CHD9: variants seen among roughly 807,000 people sequenced by gnomAD.
CHD9 encodes chromodomain helicase DNA binding protein 9.
A neutral mutation model predicts 316.1 loss-of-function variants in CHD9; 77 were observed. The ratio of observed to expected loss-of-function variants is 0.24; its 90% CI spans 0.20 to 0.29. The LOEUF is 0.29. CHD9 is among the 10% of genes least tolerant of loss of function. CHD9 has a pLI of 1.00. For missense variants in CHD9, 2,763 were observed against 3,438.1 expected, an observed-to-expected ratio of 0.80 and a Z score of 4.91; for synonymous variants, 1,129 against 1,158.3, an observed-to-expected ratio of 0.97 and a Z score of 0.51.
intron 1 of CHD9, among the ~76,000 whole-genome samples, chr16:53,069,776 T>C (rs1459464272): frequency 6.6e-6 from 1 of 152,228 alleles, no homozygotes; most frequent in African/African-American, 2.4e-5. Context: ...CTGGATCTTA[T>C]GGTAATTCTG....
chr16:53,129,818 AAGG>A (rs936931915), intron 1 of CHD9, among the ~76,000 whole-genome samples: 1 of 152,192 alleles, frequency 6.6e-6, no homozygotes, highest in South Asian at 2.1e-4. Context: ...AAGGACCTGA[AAGG>A]AGGAGACCCT....
chr16:53,149,924 G>A (rs8055410), intron 1 of CHD9, among the ~76,000 whole-genome samples: 42,216 of 150,950 alleles, frequency 0.28, 5,982 homozygotes, highest in Middle Eastern at 0.32. Context: ...GCTCTCTTTT[G>A]GTTACTATTT....
intron 1 of CHD9, 72 bp from the exon 2 acceptor site, chr16:53,155,854 C>T: frequency 2.1e-6 from 1 of 467,512 alleles, no homozygotes; most frequent in Non-Finnish European, 3.8e-6. Context: ...ATAATGTTTT[C>T]AGAGTTCATT....
intron 2 of CHD9, among the ~76,000 whole-genome samples, chr16:53,179,899 A>G (rs569403433): frequency 0.017 from 2,580 of 151,726 alleles, 78 homozygotes; most frequent in African/African-American, 0.059. Context: ...TTCATCTCAA[A>G]AAAAAAAAAA....
chr16:53,075,822 T>C (rs2034476961), intron 1 of CHD9, among the ~76,000 whole-genome samples: 1 of 152,228 alleles, frequency 6.6e-6, no homozygotes, highest in Non-Finnish European at 1.5e-5. Flanking sequence ...ATTTTTAATC[T>C]TTTGAGGACC....
intron 1 of CHD9, among the ~76,000 whole-genome samples, chr16:53,087,424 TC>T (rs2035555572): frequency 6.6e-6 from 1 of 152,166 alleles, no homozygotes; most frequent in Admixed American, 6.5e-5. Context: ...AATATGAGAC[TC>T]GGGTCTATTC....
At chr16:53,302,616 C>T (rs926471759) in intron 30 of CHD9, among the ~76,000 whole-genome samples, 5 of 152,158 alleles carry the variant, frequency 3.3e-5, no homozygotes, top group African/African-American at 9.7e-5. Flanking sequence ...CTGCCAGATA[C>T]TAAATCTTGT....
intron 31 of CHD9, among the ~76,000 whole-genome samples, 160 bp downstream of exon 31, chr16:53,304,785 C>G (rs1405550709): frequency 1.3e-5 from 2 of 149,084 alleles, no homozygotes; most frequent in South Asian, 2.1e-4. Flanking sequence ...ACCTCCACCT[C>G]CTGGGTTCAA....
At position 53,274,252 on chromosome 16, in the gene CHD9, A is replaced by T; in HGVS notation, c.4917A>T (p.Gln1639His). The T allele has an allele frequency of 1.2e-6, 2 of 1,602,328 alleles. No homozygotes were observed. The highest frequency in any genetic ancestry group is 1.7e-6 in the Non-Finnish European group (2 of 1,175,086). Residue 1639 changes from glutamine to histidine, a missense_variant, in exon 24 of 39, where the codon CAA becomes CAT. Transcript: ENST00000447540. ...LRVRMLYYLKQEVIGNECQKV... is the reference protein window; with the variant it reads ...LRVRMLYYLKHEVIGNECQKV... ...TGAGAATGCTGTATTATCTAAAGCA[A>T]GAAGTTATTGGAAATGAGTGTCAGA...
intron 2 of CHD9, among the ~76,000 whole-genome samples, chr16:53,200,597 G>A (rs1214313178): frequency 6.6e-6 from 1 of 152,076 alleles, no homozygotes; most frequent in Non-Finnish European, 1.5e-5. Flanking sequence ...AATGTGGAAG[G>A]AATTATGGAA....
chr16:53,079,183 T>C (rs2152531098), intron 1 of CHD9, among the ~76,000 whole-genome samples: 2 of 152,356 alleles, frequency 1.3e-5, no homozygotes, highest in South Asian at 4.1e-4. Flanking sequence ...CCTACTGGTC[T>C]GGTCCATCTT....
At chr16:53,121,410 T>A (rs191510939) in intron 1 of CHD9, 1 of 456,108 alleles carries the variant, frequency 2.2e-6, no homozygotes. Flanking sequence ...ACCGTCTTTT[T>A]CCTGAAGACC....
intron 1 of CHD9, among the ~76,000 whole-genome samples, chr16:53,127,940 CA>C (rs35806274): frequency 1.6e-3 from 127 of 78,222 alleles, no homozygotes; most frequent in South Asian, 2.9e-3. Flanking sequence ...GAGACTCTGT[CA>C]AAAAAAAAAA....
chr16:53,131,765 C>T (rs1018586545), intron 1 of CHD9, among the ~76,000 whole-genome samples: 4 of 152,136 alleles, frequency 2.6e-5, no homozygotes, highest in Non-Finnish European at 5.9e-5. Context: ...GCGTCCCGCG[C>T]GGGCACCCGA....
At chr16:53,111,474 C>T (rs950033601) in intron 1 of CHD9, among the ~76,000 whole-genome samples, 2 of 152,302 alleles carry the variant, frequency 1.3e-5, no homozygotes, top group African/African-American at 2.4e-5. Flanking sequence ...CTCTAGTATA[C>T]GGTTATTAGC....
At chr16:53,270,572 GAAC>G (rs2052153890) in intron 22 of CHD9, among the ~76,000 whole-genome samples, 1 of 152,076 alleles carries the variant, frequency 6.6e-6, no homozygotes, top group Non-Finnish European at 1.5e-5. Flanking sequence ...GATTGGGGGT[GAAC>G]AAAATTGGCC....
At chr16:53,304,678 CTTTTCTTTTCTTTTCTTTT>C in intron 31 of CHD9, 53 bp downstream of exon 31, 2 of 1,152,438 alleles carry the variant, frequency 1.7e-6, no homozygotes, top group South Asian at 3.7e-5. Flanking sequence ...CTTTTCTTTT[CTTTTCTTTTCTTTTCTTTT>C]TTTTTTTTTT....
rs191386377 is a variant in CHD9, at chr16:53,234,873, C to T, written c.2512-312C>T. On this transcript the variant is annotated intron_variant, in intron 10 of 38. Coordinates refer to ENST00000447540, the MANE Select transcript of CHD9 (RefSeq NM_001308319.2). Reference sequence around the variant, plus strand: ...TATTGCCCTTATATATTGTTAAGTTCCATTTGGTAAAATTGCATTATGAAT... The same window carrying T: ...TATTGCCCTTATATATTGTTAAGTTTCATTTGGTAAAATTGCATTATGAAT... 3.5e-3 allele frequency among the ~76,000 whole-genome samples: 524 copies of T among 150,088 alleles called. 5 individuals carry two copies. The highest frequency in any genetic ancestry group is 3.8e-3 in the Non-Finnish European group (259 of 67,668).
chr16:53,197,719 C>T (rs1028828133), intron 2 of CHD9, among the ~76,000 whole-genome samples: 2 of 149,710 alleles, frequency 1.3e-5, no homozygotes, highest in African/African-American at 2.5e-5. Context: ...TGCAGTGGTG[C>T]GATCTCTGCG....
Sources: gnomAD v4.1 joint callset for allele counts (sites outside exome capture counted in the v4.1 genomes callset) on GRCh38, gnomAD v4.1.1 for gene constraint, MANE v1.5 for transcripts, NCBI Gene and HGNC (gene_info 2026-07-23, HGNC 2026-07-21) for gene names.